Variants in SCAPER observed in about 807,000 individuals in gnomAD.
The protein encoded by SCAPER is S phase cyclin A-associated protein in the endoplasmic reticulum.
Under a neutral mutation model 182.2 loss-of-function variants are expected in SCAPER, and 98 were observed. The observed-to-expected ratio is 0.54, with a 90% CI of 0.46 to 0.64. SCAPER has a LOEUF of 0.64. Among genes scored for constraint, SCAPER ranks in the 30% least tolerant of loss-of-function variants. The pLI, the probability that SCAPER is intolerant of heterozygous loss-of-function variation, is 0.00. For missense variants in SCAPER, 1,432 were observed against 1,690.0 expected, an observed-to-expected ratio of 0.85 and a Z score of 2.68; for synonymous variants, 605 against 564.6, an observed-to-expected ratio of 1.07 and a Z score of -1.01.
intron 15 of SCAPER, among the ~76,000 whole-genome samples, chr15:76,744,295 A>G (rs2061686861): frequency 6.6e-6 from 1 of 152,180 alleles, no homozygotes; most frequent in Non-Finnish European, 1.5e-5. Flanking sequence ...AGTAGGGCCT[A>G]ATTAAGCTAA....
At chr15:76,651,124 A>G (rs567511814) in intron 21 of SCAPER, among the ~76,000 whole-genome samples, 110 of 152,222 alleles carry the variant, frequency 7.2e-4, no homozygotes, top group African/African-American at 2.6e-3. Context: ...GAAAATATAA[A>G]TATGAAGTAA....
chr15:76,559,036 T>G lies in SCAPER; in HGVS notation c.2838+15122A>C, dbSNP rs1434211900. 2.0e-5 allele frequency among the ~76,000 whole-genome samples: 3 copies of G among 151,522 alleles called. No individual in the cohort carries two copies. In the East Asian group the frequency reaches 5.8e-4, roughly 29 times the overall value. ...TGATAGTGAGTGAGTTCTCATGAGA[T>G]CTGGTTTTTTTTTTCGGAGATGGAG... On this transcript the variant is annotated intron_variant, in intron 23 of 31. Transcript: ENST00000563290.
At chr15:76,743,378 C>T (rs1038084549) in intron 15 of SCAPER, among the ~76,000 whole-genome samples, 2 of 152,098 alleles carry the variant, frequency 1.3e-5, no homozygotes, top group African/African-American at 4.8e-5. Context: ...AATTTTAGTA[C>T]AGACTCTTAA....
chr15:76,860,287 G>C (rs1320209035), intron 3 of SCAPER, among the ~76,000 whole-genome samples: 1 of 152,074 alleles, frequency 6.6e-6, no homozygotes, highest in Non-Finnish European at 1.5e-5. Context: ...AATAAATCAT[G>C]TTGATATGTA....
chr15:76,823,148 T>C (rs1027942143), intron 5 of SCAPER, among the ~76,000 whole-genome samples: 4 of 152,208 alleles, frequency 2.6e-5, no homozygotes, highest in African/African-American at 7.2e-5. Flanking sequence ...TTTTCACTTA[T>C]AAGTGTTTTT....
intron 4 of SCAPER, chr15:76,855,934 G>T: frequency 2.8e-6 from 1 of 360,936 alleles, no homozygotes; most frequent in Non-Finnish European, 5.7e-6. Context: ...ATTACCAGAG[G>T]AATATAAATC....
At chr15:76,652,815 C>A (rs1355850601) in intron 21 of SCAPER, among the ~76,000 whole-genome samples, 3 of 151,944 alleles carry the variant, frequency 2.0e-5, no homozygotes, top group Non-Finnish European at 4.4e-5. Flanking sequence ...GGATCTGGAA[C>A]AAGACAAGGA....
intron 25 of SCAPER, among the ~76,000 whole-genome samples, chr15:76,459,519 T>A (rs904219968): frequency 6.8e-6 from 1 of 146,422 alleles, no homozygotes; most frequent in Admixed American, 7.1e-5. Context: ...TGTCTTTTGC[T>A]CACTTTTTAA....
intron 29 of SCAPER, among the ~76,000 whole-genome samples, chr15:76,358,692 G>A (rs1198973911): frequency 1.3e-5 from 2 of 152,182 alleles, no homozygotes; most frequent in African/African-American, 4.8e-5. Context: ...GCCCTGTCTC[G>A]AAATACAACT....
At chr15:76,658,420 A>C (rs2055850121) in intron 21 of SCAPER, among the ~76,000 whole-genome samples, 1 of 152,220 alleles carries the variant, frequency 6.6e-6, no homozygotes, top group Non-Finnish European at 1.5e-5. Context: ...AGATGACATA[A>C]ACAAAGGCAA....
At chr15:76,534,330 A>G (rs1402990080) in intron 23 of SCAPER, among the ~76,000 whole-genome samples, 3 of 152,238 alleles carry the variant, frequency 2.0e-5, no homozygotes, top group Non-Finnish European at 4.4e-5. Flanking sequence ...TTGACACTAG[A>G]TAAACCATTA....
Position 76,505,831 on chromosome 15 carries a change from C to G in SCAPER, c.2839-857G>C, listed in dbSNP as rs182885222. Among the ~76,000 whole-genome samples, 269 of 152,200 alleles carry G rather than the reference C, an allele frequency of 1.8e-3. 3 individuals are homozygous for G. Among genetic ancestry groups the G allele is most frequent in the Non-Finnish European group, 4.0e-4 (27 of 68,010 alleles). On this transcript the variant is annotated intron_variant, in intron 23 of 31. Coordinates refer to ENST00000563290, the MANE Select transcript of SCAPER (RefSeq NM_020843.4). ...GCACTATTCACAATATAGCCAAGAA[C>G]TGGAAGCAACCTAAGTGTCCATCAG...
chr15:76,641,564 C>A (rs750432493), intron 21 of SCAPER, among the ~76,000 whole-genome samples: 1 of 152,090 alleles, frequency 6.6e-6, no homozygotes, highest in Non-Finnish European at 1.5e-5. Flanking sequence ...CGATGCATTG[C>A]GGGCTGCTGG....
At chr15:76,625,959 A>G (rs190353366) in intron 21 of SCAPER, among the ~76,000 whole-genome samples, 263 of 152,254 alleles carry the variant, frequency 1.7e-3, no homozygotes, top group Admixed American at 2.8e-3. Flanking sequence ...GGGGCCACAC[A>G]CAGAATACAC....
chr15:76,626,962 T>C lies in SCAPER; in HGVS notation c.2646-5133A>G, dbSNP rs1262121839. On this transcript the variant is annotated intron_variant, in intron 21 of 31. Coordinates refer to ENST00000563290, the MANE Select transcript of SCAPER (RefSeq NM_020843.4). ...AGACCCATTTGGTCAGAGCAAAAGATTAAAATGTGAGAATAGCAAGAGATA... is the reference window on the plus strand; with the variant it reads ...AGACCCATTTGGTCAGAGCAAAAGACTAAAATGTGAGAATAGCAAGAGATA... Among the ~76,000 whole-genome samples, 6 of 152,188 alleles carry C rather than the reference T, an allele frequency of 3.9e-5. No homozygotes were observed. The South Asian group carries it at 6.2e-4, about 16-fold the overall frequency.
chr15:76,835,880 T>C (rs1373341992), intron 5 of SCAPER, among the ~76,000 whole-genome samples: 2 of 130,560 alleles, frequency 1.5e-5, no homozygotes, highest in East Asian at 4.4e-4. Context: ...TATACACCAG[T>C]AACGTTCAAC....
At chr15:76,710,829 A>C (rs2059524195) in intron 17 of SCAPER, among the ~76,000 whole-genome samples, 1 of 152,150 alleles carries the variant, frequency 6.6e-6, no homozygotes, top group Admixed American at 6.5e-5. Flanking sequence ...TACTAATTTC[A>C]AAATATGCTA....
At chr15:76,679,923 T>A (rs1456863005) in intron 20 of SCAPER, among the ~76,000 whole-genome samples, 8 of 152,188 alleles carry the variant, frequency 5.3e-5, no homozygotes. Flanking sequence ...GAGCTCAATA[T>A]TGCAACAAGG....
chr15:76,404,465 C>T, intron 27 of SCAPER, 59 bp downstream of exon 27: 4 of 1,517,006 alleles, frequency 2.6e-6, no homozygotes, highest in African/African-American at 1.4e-5. Flanking sequence ...CTAGAATGGG[C>T]AAAATTCAAG....
Sources: gnomAD v4.1 joint callset for allele counts (sites outside exome capture counted in the v4.1 genomes callset) on GRCh38, gnomAD v4.1.1 for gene constraint, MANE v1.5 for transcripts, NCBI Gene and HGNC (gene_info 2026-07-23, HGNC 2026-07-21) for gene names.